Variants in PNLIP observed in about 807,000 individuals in gnomAD.
PNLIP encodes pancreatic triacylglycerol lipase.
In PNLIP, 49 loss-of-function variants were observed where a neutral mutation model predicts 57.1. That is an observed-to-expected ratio of 0.86 (90% CI 0.68 to 1.09). The LOEUF is 1.09. Among genes scored for constraint, PNLIP ranks in the 50% least tolerant of loss-of-function variants. The pLI, the probability that PNLIP is intolerant of heterozygous loss-of-function variation, is 0.00. For synonymous variants in PNLIP, 209 were observed against 200.4 expected (o/e 1.04, Z -0.36); for missense variants, 503 against 570.2 (o/e 0.88, Z 1.20).
Position 116,561,487 on chromosome 10 carries a change from A to G in PNLIP, c.1185A>G (p.Pro395=), listed in dbSNP as rs755644921. The change falls in exon 12 of 13, where the codon CCA becomes CCG. Residue 395 remains proline (P), a synonymous_variant. Transcript: ENST00000369221. ...QYEIFKGTLK[P]DSTHSNEFDS... ...AAATCCTTAGGGGCACTCTCAAACC[A>G]GATAGTACTCATTCCAATGAATTTG... The G allele has an allele frequency of 6.2e-7, 1 of 1,613,462 alleles. No individual in the cohort carries two copies. The highest frequency in any genetic ancestry group is 8.5e-7 in the Non-Finnish European group (1 of 1,179,672).
At chr10:116,552,738 T>G (rs569822197) in intron 5 of PNLIP, among the ~76,000 whole-genome samples, 95 of 151,912 alleles carry the variant, frequency 6.3e-4, no homozygotes, top group African/African-American at 2.2e-3. Context: ...TACAGAAAAT[T>G]AGCTGGGCGT....
chr10:116,553,305 A>G (rs1345669669), intron 5 of PNLIP, among the ~76,000 whole-genome samples: 1 of 152,178 alleles, frequency 6.6e-6, no homozygotes, highest in Admixed American at 6.5e-5. Flanking sequence ...GGGTTTCACC[A>G]TATTGGCCAG....
intron 3 of PNLIP, among the ~76,000 whole-genome samples, chr10:116,547,913 T>C (rs886711058): frequency 6.6e-6 from 1 of 152,056 alleles, no homozygotes; most frequent in African/African-American, 2.4e-5. Context: ...ATTAACTTCA[T>C]ATTATTCTTG....
intron 11 of PNLIP, 118 bp downstream of exon 11, chr10:116,560,642 A>G (rs1266104517): frequency 5.6e-6 from 3 of 532,206 alleles, no homozygotes; most frequent in East Asian, 6.4e-5. Flanking sequence ...TAGTGGTGCA[A>G]TCTTGGCTCA....
intron 12 of PNLIP, among the ~76,000 whole-genome samples, chr10:116,562,638 C>T (rs1444650541): frequency 6.6e-6 from 1 of 152,198 alleles, no homozygotes; most frequent in African/African-American, 2.4e-5. Context: ...TATGAAAAGT[C>T]TCCCTGAATA....
At chr10:116,547,510 A>C in intron 3 of PNLIP, 62 bp downstream of exon 3, 2 of 1,373,362 alleles carry the variant, frequency 1.5e-6, no homozygotes, top group African/African-American at 2.9e-5. Flanking sequence ...GCGGTTCACG[A>C]GGTCAGGAGA....
intron 11 of PNLIP, 147 bp downstream of exon 11, chr10:116,560,671 G>T: frequency 2.2e-6 from 1 of 461,066 alleles, no homozygotes; most frequent in East Asian, 3.5e-5. Context: ...TCTGCCTCTA[G>T]GGTTCAAGCA....
intron 12 of PNLIP, among the ~76,000 whole-genome samples, chr10:116,563,605 T>C (rs1000860051): frequency 1.3e-4 from 20 of 152,278 alleles, no homozygotes; most frequent in African/African-American, 3.8e-4. Context: ...TGCGTCATCA[T>C]AGCTTAGCTC....
chr10:116,553,970 C>T (rs1013014744), intron 6 of PNLIP, 132 bp downstream of exon 6: 59 of 530,562 alleles, frequency 1.1e-4, no homozygotes, highest in Middle Eastern at 4.8e-4. Flanking sequence ...AAAAAAAGGA[C>T]GCTACAAACT....
At chr10:116,560,171 A>C (rs1249762270) in intron 10 of PNLIP, among the ~76,000 whole-genome samples, 1 of 152,078 alleles carries the variant, frequency 6.6e-6, no homozygotes, top group African/African-American at 2.4e-5. Context: ...TGGCTTGAAA[A>C]AAAATCTGTC....
chr10:116,553,639 G>C (rs1847218475), intron 5 of PNLIP, 88 bp from the exon 6 acceptor site: 3 of 760,044 alleles, frequency 3.9e-6, no homozygotes, highest in Non-Finnish European at 7.0e-6. Flanking sequence ...GAAATCGCTT[G>C]ATGATGCATT....
intron 9 of PNLIP, among the ~76,000 whole-genome samples, chr10:116,557,409 G>A (rs1295544251): frequency 2.0e-5 from 3 of 152,152 alleles, no homozygotes; most frequent in African/African-American, 2.4e-5. Context: ...GTGATCTGGT[G>A]GTGGTGGTCG....
chr10:116,559,418 G>GCTAT (rs1188844088), intron 10 of PNLIP, 135 bp downstream of exon 10: 16 of 666,304 alleles, frequency 2.4e-5, no homozygotes, highest in Non-Finnish European at 3.3e-5. Flanking sequence ...AATGCTCAAT[G>GCTAT]CTATGTTCAA....
At chr10:116,555,104 C>A in intron 6 of PNLIP, 74 bp from the exon 7 acceptor site, 1 of 1,516,702 alleles carries the variant, frequency 6.6e-7, no homozygotes. Flanking sequence ...CCTTTCCATG[C>A]ATAACTCATA....
chr10:116,560,622 G>C (rs969234782), intron 11 of PNLIP, 98 bp downstream of exon 11: 7 of 593,034 alleles, frequency 1.2e-5, no homozygotes, highest in African/African-American at 2.0e-5. Flanking sequence ...CTGTCACCCA[G>C]GCTGGAGTGT....
chr10:116,555,040 C>T (rs776068243), intron 6 of PNLIP, 138 bp from the exon 7 acceptor site: 2 of 941,034 alleles, frequency 2.1e-6, no homozygotes, highest in African/African-American at 1.6e-5. Context: ...AAGCAAATAG[C>T]TAGAAGTAGA....
rs1057281828 is a variant in PNLIP, at chr10:116,553,962, A to G, written c.571+124A>G. 27 of 540,190 alleles carry G rather than the reference A, an allele frequency of 5.0e-5. No homozygotes were observed. In the African/African-American group the frequency reaches 5.1e-4, roughly 10 times the overall value. The allele number at this position is 540,190 out of a possible 1,614,324, so 33.5% of individuals were successfully genotyped here. A position where few individuals can be genotyped will look rare whatever the true frequency, so the allele number is the denominator to read the frequency against. ...ATCTCCTTAAAAAAAAAAAAAAGAA[A>G]AAAAGGACGCTACAAACTTAGACTA... is the stretch of plus-strand genomic sequence containing the variant. On this transcript the variant is annotated intron_variant, in intron 6 of 12. Coordinates refer to ENST00000369221, the MANE Select transcript of PNLIP (RefSeq NM_000936.4).
intron 5 of PNLIP, among the ~76,000 whole-genome samples, chr10:116,552,711 C>T (rs958922484): frequency 6.6e-6 from 1 of 151,962 alleles, no homozygotes; most frequent in African/African-American, 2.4e-5. Flanking sequence ...ACAGTGAAAC[C>T]CTGTCTCTAC....
chr10:116,553,873 G>A lies in PNLIP; in HGVS notation c.571+35G>A, dbSNP rs778563785. 3.1e-6 allele frequency: 4 copies of A among 1,305,186 alleles called. No individual in the cohort carries two copies. In the Middle Eastern group the frequency reaches 5.7e-4, roughly 188 times the overall value. 80.9% of individuals were successfully genotyped at this position (1,305,186 alleles called of 1,614,324 possible). On this transcript the variant is annotated intron_variant, in intron 6 of 12. Coordinates refer to ENST00000369221, the MANE Select transcript of PNLIP (RefSeq NM_000936.4). The stretch of plus-strand genomic sequence containing the variant: ...AACAGTGAAAGATACCAGGGGGGTT[G>A]AGGCAAGATGATCTCTTGAGGCCAG...
Sources: allele counts gnomAD v4.1 joint callset (sites outside exome capture counted in the v4.1 genomes callset), GRCh38; gene constraint gnomAD v4.1.1; transcripts MANE v1.5; gene names NCBI Gene and HGNC (gene_info 2026-07-23, HGNC 2026-07-21).